The following ABI1 variants were observed in gnomAD, a reference collection of about 807,000 sequenced individuals.
The protein encoded by ABI1 is abl interactor 1, also known as Abelson interactor 1.
A neutral mutation model predicts 54.6 loss-of-function variants in ABI1; 14 were observed. The observed-to-expected ratio is 0.26, with a 90% CI of 0.17 to 0.40. ABI1 has a LOEUF of 0.40. Among genes scored for constraint, ABI1 ranks in the 10% least tolerant of loss-of-function variants. The pLI is 1.00. For synonymous variants in ABI1, 194 were observed against 209.3 expected, an observed-to-expected ratio of 0.93 and a Z score of 0.63; for missense variants, 443 against 598.3, an observed-to-expected ratio of 0.74 and a Z score of 2.71.
At chr10:26,756,658 A>G (rs747907359) in intron 8 of ABI1, among the ~76,000 whole-genome samples, 1 of 152,196 alleles carries the variant, frequency 6.6e-6, no homozygotes, top group Non-Finnish European at 1.5e-5. Flanking sequence ...AAACATTCAT[A>G]TGTTTGTGAC....
At chr10:26,763,296 C>A (rs1300539050) in intron 7 of ABI1, among the ~76,000 whole-genome samples, 1 of 152,210 alleles carries the variant, frequency 6.6e-6, no homozygotes. Flanking sequence ...ATGGTTTTTA[C>A]ATTGACATTT....
intron 3 of ABI1, among the ~76,000 whole-genome samples, chr10:26,773,863 G>T (rs1179416169): frequency 6.6e-6 from 1 of 152,092 alleles, no homozygotes; most frequent in East Asian, 1.9e-4. Context: ...GAAGCTGCCC[G>T]ATTCATGAAT....
chr10:26,770,606 T>C, intron 4 of ABI1: 1 of 644,332 alleles, frequency 1.6e-6, no homozygotes, highest in South Asian at 1.4e-5. Flanking sequence ...TTGTTAAACA[T>C]GTTCACTGAG....
At chr10:26,795,130 C>T (rs1462731789) in intron 2 of ABI1, among the ~76,000 whole-genome samples, 2 of 143,114 alleles carry the variant, frequency 1.4e-5, no homozygotes, top group African/African-American at 2.7e-5. Flanking sequence ...GGCGACAGAG[C>T]GAGACTGTCT....
chr10:26,797,786 ATCACAATTAACTGACTTT>A (rs959704290), intron 2 of ABI1, among the ~76,000 whole-genome samples: 17 of 152,242 alleles, frequency 1.1e-4, no homozygotes, highest in Admixed American at 1.0e-3. Flanking sequence ...CTGAGTTTTA[ATCACAATTAACTGACTTT>A]TCAAAGATGA....
intron 6 of ABI1, among the ~76,000 whole-genome samples, chr10:26,766,792 G>GT (rs1398157668): frequency 2.0e-5 from 3 of 152,068 alleles, no homozygotes; most frequent in East Asian, 1.9e-4. Context: ...AGTTAAGAAT[G>GT]TTTTTTATAT....
intron 2 of ABI1, among the ~76,000 whole-genome samples, chr10:26,797,889 T>A (rs1022388416): frequency 1.4e-4 from 21 of 152,190 alleles, no homozygotes; most frequent in African/African-American, 5.1e-4. Flanking sequence ...AGTAACAGAC[T>A]TTATGTCTTG....
At chr10:26,807,849 T>G (rs1459245732) in intron 2 of ABI1, among the ~76,000 whole-genome samples, 1 of 152,130 alleles carries the variant, frequency 6.6e-6, no homozygotes, top group Non-Finnish European at 1.5e-5. Flanking sequence ...CCCAGCACTT[T>G]GGGAGGCCAA....
At chr10:26,800,648 T>G (rs1045452999) in intron 2 of ABI1, among the ~76,000 whole-genome samples, 4 of 151,960 alleles carry the variant, frequency 2.6e-5, no homozygotes, top group Non-Finnish European at 5.9e-5. Flanking sequence ...GGAGGATCAT[T>G]TGAGCCCAGG....
intron 7 of ABI1, 79 bp from the exon 8 acceptor site, chr10:26,759,317 G>T: frequency 8.5e-7 from 1 of 1,179,592 alleles, no homozygotes; most frequent in South Asian, 2.0e-5. Context: ...CAAAGCAGGA[G>T]GGGGCCTCAG....
intron 1 of ABI1, among the ~76,000 whole-genome samples, chr10:26,825,108 G>T (rs1431368713): frequency 6.6e-6 from 1 of 152,120 alleles, no homozygotes; most frequent in Non-Finnish European, 1.5e-5. Flanking sequence ...GGTAGCTGGG[G>T]CAATTTCTTA....
intron 5 of ABI1, among the ~76,000 whole-genome samples, chr10:26,769,217 G>C (rs1840351915): frequency 6.6e-6 from 1 of 152,016 alleles, no homozygotes; most frequent in Non-Finnish European, 1.5e-5. Context: ...ACATAGGAAA[G>C]GGTAATTTAA....
intron 3 of ABI1, among the ~76,000 whole-genome samples, chr10:26,772,983 G>A (rs1017799445): frequency 2.0e-5 from 3 of 151,904 alleles, no homozygotes. Context: ...TGGCTGAGGA[G>A]GGAGGATCAC....
intron 1 of ABI1, among the ~76,000 whole-genome samples, chr10:26,851,348 ATTTTTTTTT>A (rs397724445): frequency 1.7e-3 from 114 of 67,812 alleles, no homozygotes; most frequent in African/African-American, 6.6e-3. Context: ...GACTAAGCTA[ATTTTTTTTT>A]TTTTTTTTTT....
intron 2 of ABI1, among the ~76,000 whole-genome samples, chr10:26,821,335 G>A (rs1032231378): frequency 2.6e-5 from 4 of 151,456 alleles, no homozygotes; most frequent in Non-Finnish European, 5.9e-5. Context: ...GGAAATCAAT[G>A]CAACAGAAAA....
At chr10:26,774,945 G>T (rs1290998616) in intron 3 of ABI1, among the ~76,000 whole-genome samples, 6 of 151,990 alleles carry the variant, frequency 3.9e-5, no homozygotes, top group Non-Finnish European at 8.8e-5. Context: ...TCTTCAAACA[G>T]AAAACAAAGG....
chr10:26,798,073 C>T (rs185165177), intron 2 of ABI1, among the ~76,000 whole-genome samples: 14 of 152,020 alleles, frequency 9.2e-5, no homozygotes, highest in African/African-American at 1.9e-4. Flanking sequence ...AAAGAAAATC[C>T]AGGGAGACTA....
intron 2 of ABI1, among the ~76,000 whole-genome samples, chr10:26,788,688 G>A (rs926817702): frequency 1.3e-5 from 2 of 151,898 alleles, no homozygotes; most frequent in African/African-American, 2.4e-5. Context: ...CGAGGTGGGC[G>A]GATCACGAGG....
intron 1 of ABI1, among the ~76,000 whole-genome samples, chr10:26,835,106 A>AAAAAAAAAAAAAAAAAAAC (rs1564561541): frequency 8.0e-6 from 1 of 124,754 alleles, no homozygotes; most frequent in African/African-American, 3.2e-5. Flanking sequence ...AAAAAAAAAA[A>AAAAAAAAAAAAAAAAAAAC]AAAAAAAAAC....
Sources: gnomAD v4.1 joint callset for allele counts (sites outside exome capture counted in the v4.1 genomes callset) on GRCh38, gnomAD v4.1.1 for gene constraint, MANE v1.5 for transcripts, NCBI Gene and HGNC (gene_info 2026-07-23, HGNC 2026-07-21) for gene names.